The following PRR33 variants were observed in gnomAD, a reference collection of about 807,000 sequenced individuals.
PRR33 encodes the protein proline rich 33.
PRR33 carries 1 observed loss-of-function variant against 0.5 expected under a neutral mutation model. The ratio of observed to expected loss-of-function variants is 2.18; its 90% CI spans 0.77 to 10.34. PRR33 has a LOEUF of 10.34. PRR33 is among the 30% of genes most tolerant of loss of function. PRR33 has a pLI of 0.13. For missense variants in PRR33, 552 were observed against 251.8 expected (o/e 2.19, Z -8.07); for synonymous variants, 226 against 110.0 (o/e 2.06, Z -6.60).
chr11:1,904,037 T>C, the PRR33 span, among the ~76,000 whole-genome samples: 1 of 152,114 alleles, frequency 6.6e-6, no homozygotes, highest in Non-Finnish European at 1.5e-5. Flanking sequence ...GATAAAAAAA[T>C]TTGCTCAAGC....
At chr11:1,894,951 C>G (rs1333479285), upstream of PRR33, among the ~76,000 whole-genome samples, 3 of 152,134 alleles carry the variant, frequency 2.0e-5, no homozygotes, top group East Asian at 3.9e-4. Context: ...CCTTCCTAGA[C>G]GTGGAGGGTG....
chr11:1,900,526 C>T, the PRR33 span, among the ~76,000 whole-genome samples: 1 of 152,156 alleles, frequency 6.6e-6, no homozygotes, highest in Non-Finnish European at 1.5e-5. Context: ...TCTCCTTTCA[C>T]GAACCTCCTG....
the PRR33 span, among the ~76,000 whole-genome samples, chr11:1,908,371 G>A: frequency 8.2e-6 from 1 of 121,918 alleles, no homozygotes; most frequent in African/African-American, 3.2e-5. Flanking sequence ...ATCTGATAAG[G>A]CTACACATTG....
exon 1 of PRR33, chr11:1,890,150 T>C (rs1032347709): frequency 2.7e-5 from 19 of 716,924 alleles, no homozygotes; most frequent in Non-Finnish European, 4.9e-5. Flanking sequence ...TGGCCCTGAA[T>C]TGAGCAGCTA....
At chr11:1,890,139 A>G (rs765023709) in exon 1 of PRR33, 1 of 717,092 alleles carries the variant, frequency 1.4e-6, no homozygotes, top group South Asian at 1.5e-5. Context: ...CTGGGGCCCC[A>G]TGGCCCTGAA....
chr11:1,900,062 A>T, the PRR33 span, among the ~76,000 whole-genome samples: 148 of 151,280 alleles, frequency 9.8e-4, 1 homozygote, highest in African/African-American at 3.0e-3. Flanking sequence ...TATATATATA[A>T]AATTTGGATT....
At chr11:1,900,102 G>A in the PRR33 span, among the ~76,000 whole-genome samples, 1,123 of 151,910 alleles carry the variant, frequency 7.4e-3, 14 homozygotes, top group African/African-American at 0.025. Flanking sequence ...GAATCATGGA[G>A]TGCAGAGCAT....
chr11:1,909,069 A>T, the PRR33 span, among the ~76,000 whole-genome samples: 2 of 152,176 alleles, frequency 1.3e-5, no homozygotes, highest in Non-Finnish European at 2.9e-5. Context: ...GCCCCCATCT[A>T]CCCAGCCCCC....
chr11:1,913,580 T>C, the PRR33 span, among the ~76,000 whole-genome samples: 2 of 152,228 alleles, frequency 1.3e-5, no homozygotes, highest in Non-Finnish European at 2.9e-5. Flanking sequence ...ACGTCCCCTC[T>C]GATCCCTGAG....
At chr11:1,905,414 ACC>A in the PRR33 span, among the ~76,000 whole-genome samples, 1 of 144,260 alleles carries the variant, frequency 6.9e-6, no homozygotes, top group East Asian at 2.0e-4. Context: ...GGCGTGAGCC[ACC>A]GCGCCCGGCC....
At chr11:1,917,509 C>T in the PRR33 span, among the ~76,000 whole-genome samples, 1 of 152,216 alleles carries the variant, frequency 6.6e-6, no homozygotes, top group Non-Finnish European at 1.5e-5. Flanking sequence ...GGAAATGCGT[C>T]CCCAACCCAG....
chr11:1,897,908 G>A, the PRR33 span, among the ~76,000 whole-genome samples: 1 of 152,282 alleles, frequency 6.6e-6, no homozygotes, highest in South Asian at 2.1e-4. This position sits in a 1 kb window ranked among gnomAD's most constrained non-coding sequence, Gnocchi z 4.0. Flanking sequence ...TTAATACCAA[G>A]AATGTGAAGC....
At chr11:1,908,241 A>G in the PRR33 span, among the ~76,000 whole-genome samples, 2 of 152,108 alleles carry the variant, frequency 1.3e-5, no homozygotes, top group Admixed American at 1.3e-4. Context: ...TGATGTTCCA[A>G]ATGTTCTTGG....
the PRR33 span, among the ~76,000 whole-genome samples, chr11:1,902,163 C>T: frequency 6.7e-6 from 1 of 149,908 alleles, no homozygotes; most frequent in African/African-American, 2.5e-5. Context: ...ACCCGGGAGG[C>T]GGAGCTTGCA....
the PRR33 span, among the ~76,000 whole-genome samples, chr11:1,905,418 C>T: frequency 2.0e-4 from 30 of 147,842 alleles, no homozygotes; most frequent in Admixed American, 6.8e-5. Context: ...TGAGCCACCG[C>T]GCCCGGCCTT....
At chr11:1,904,782 T>C in the PRR33 span, among the ~76,000 whole-genome samples, 1 of 151,718 alleles carries the variant, frequency 6.6e-6, no homozygotes, top group South Asian at 2.1e-4. Flanking sequence ...GTGCTGGGAT[T>C]ACAGGCGAGA....
the PRR33 span, among the ~76,000 whole-genome samples, chr11:1,914,380 G>C: frequency 6.6e-6 from 1 of 151,334 alleles, no homozygotes; most frequent in African/African-American, 2.4e-5. Context: ...CTCCTTATGT[G>C]TGTGTGTGTT....
rs766553804 is a variant in PRR33 at position 1,889,773 on chromosome 11, G to A, written c.812C>T (p.Ala271Val). Residue 271 changes from alanine to valine, a missense_variant, in exon 1 of 1, where the codon GCC (alanine) becomes GTC (valine). By Grantham distance (64) the Ala-to-Val change is moderately conservative. Transcript: ENST00000640310. ...GGACTCCAGCGAGCGGCAGGTCGGG[G>A]CTATGGGCACCACAACCCTGGCACT... 2.4e-4 allele frequency: 154 copies of A among 649,616 alleles called. 1 individual carries two copies. Among genetic ancestry groups the A allele is most frequent in the Middle Eastern group, 2.0e-3 (8 of 4,082 alleles). 40.2% of individuals were successfully genotyped at this position (649,616 alleles called of 1,614,324 possible).
the PRR33 span, among the ~76,000 whole-genome samples, chr11:1,897,526 G>A: frequency 1.1e-3 from 169 of 152,302 alleles, no homozygotes; most frequent in African/African-American, 3.8e-3. This position sits in a 1 kb window ranked among gnomAD's most constrained non-coding sequence, Gnocchi z 4.0. Context: ...TTTAGCTTGC[G>A]TGACTCCATC....
Sources: allele counts gnomAD v4.1 joint callset (sites outside exome capture counted in the v4.1 genomes callset), GRCh38; gene constraint gnomAD v4.1.1; non-coding constraint Gnocchi (gnomAD v3.1); transcripts MANE v1.5; gene names NCBI Gene and HGNC (gene_info 2026-07-23, HGNC 2026-07-21).